Variants in FAM168A observed in about 807,000 individuals in gnomAD.
The protein encoded by FAM168A is family with sequence similarity 168 member A.
Under a neutral mutation model 28.5 loss-of-function variants are expected in FAM168A, and 3 were observed. That is an observed-to-expected ratio of 0.11 (90% CI 0.05 to 0.27). The LOEUF is 0.27. FAM168A is among the 10% of genes least tolerant of loss of function. FAM168A has a pLI of 1.00. For synonymous variants in FAM168A, 122 were observed against 124.2 expected (o/e 0.98, Z 0.12); for missense variants, 222 against 311.5 (o/e 0.71, Z 2.16).
intron 2 of FAM168A, among the ~76,000 whole-genome samples, chr11:73,444,603 T>A (rs1310732828): frequency 6.6e-6 from 1 of 152,262 alleles, no homozygotes; most frequent in African/African-American, 2.4e-5. Context: ...AATGAAAGTG[T>A]CCCCACATTT....
chr11:73,430,575 G>C (rs780703838), intron 3 of FAM168A, 115 bp downstream of exon 3: 4 of 947,800 alleles, frequency 4.2e-6, no homozygotes, highest in Non-Finnish European at 6.8e-6. Context: ...CCAGCCTGGA[G>C]AGGCTGCGCC....
rs1487266729 is a variant in FAM168A at position 73,531,805 on chromosome 11, T to TA, written c.-18-63314_-18-63313insT. Reference sequence around the variant, plus strand: ...GCAAAGCACAGACCAAGTATCACTTTTTTTTTTTTTTTTTTTTGAGACAGG... The same window carrying TA: ...GCAAAGCACAGACCAAGTATCACTTTATTTTTTTTTTTTTTTTTGAGACAGG... On this transcript the variant is annotated intron_variant, in intron 1 of 7. Transcript: ENST00000356467. Among the ~76,000 whole-genome samples, 67 of 146,118 alleles carry TA rather than the reference T, an allele frequency of 4.6e-4. 1 individual carries two copies. The highest frequency in any genetic ancestry group is 1.7e-3 in the African/African-American group (67 of 39,210).
chr11:73,494,369 A>T (rs1854826270), intron 1 of FAM168A, among the ~76,000 whole-genome samples: 1 of 152,134 alleles, frequency 6.6e-6, no homozygotes, highest in Non-Finnish European at 1.5e-5. Flanking sequence ...AGGACAAGAG[A>T]TCTCCTGTGC....
intron 1 of FAM168A, among the ~76,000 whole-genome samples, chr11:73,470,368 G>A (rs1318341000): frequency 6.6e-6 from 1 of 152,158 alleles, no homozygotes; most frequent in Non-Finnish European, 1.5e-5. Flanking sequence ...TCTCTGCGTG[G>A]TACATCAGGA....
rs77169715 is a variant in FAM168A at position 73,404,953 on chromosome 11, C to T, written c.*1810G>A. 0.07 allele frequency: 10,635 copies of T among 152,328 alleles called. 443 individuals carry two copies. Among genetic ancestry groups the T allele is most frequent in the Non-Finnish European group, 0.096 (6,554 of 68,018 alleles). The allele number at this position is 152,328 out of a possible 1,614,324, so 9.4% of individuals were successfully genotyped here. ...CAGAGGGGCTGCTGGCCCAGCCAAGCGCTGGGTGCCGGAGGCTGCTGCTGG... is the reference window on the plus strand; with the variant it reads ...CAGAGGGGCTGCTGGCCCAGCCAAGTGCTGGGTGCCGGAGGCTGCTGCTGG... On this transcript the variant is annotated 3_prime_UTR_variant, in exon 8 of 8. Transcript: ENST00000356467.
At chr11:73,515,508 C>CAAA (rs61655633) in intron 1 of FAM168A, among the ~76,000 whole-genome samples, 12 of 66,516 alleles carry the variant, frequency 1.8e-4, no homozygotes, top group South Asian at 5.8e-4. Flanking sequence ...AACTCTGTCT[C>CAAA]AAAAAAAAAA....
chr11:73,442,838 C>CTT (rs11365247), intron 2 of FAM168A, among the ~76,000 whole-genome samples: 7,895 of 127,366 alleles, frequency 0.062, 782 homozygotes, highest in African/African-American at 0.2. Context: ...TTCTTTCTTT[C>CTT]TTTTTTTTTT....
At chr11:73,477,416 A>T (rs1282936147) in intron 1 of FAM168A, among the ~76,000 whole-genome samples, 1 of 152,154 alleles carries the variant, frequency 6.6e-6, no homozygotes, top group African/African-American at 2.4e-5. Context: ...AAAAAAAAAG[A>T]AGATATAATG....
At chr11:73,543,052 C>G (rs1943677651) in intron 1 of FAM168A, among the ~76,000 whole-genome samples, 1 of 151,990 alleles carries the variant, frequency 6.6e-6, no homozygotes, top group Non-Finnish European at 1.5e-5. Flanking sequence ...CAAATTTCAC[C>G]TCATCAGCAA....
intron 2 of FAM168A, among the ~76,000 whole-genome samples, chr11:73,437,661 C>T (rs1867115771): frequency 6.6e-6 from 1 of 151,966 alleles, no homozygotes; most frequent in African/African-American, 2.4e-5. Flanking sequence ...TTACCCTGAA[C>T]ATTTTTTCAG....
chr11:73,406,119 A>G lies in FAM168A; in HGVS notation c.*644T>C, dbSNP rs901781662. Reference sequence around the variant, plus strand: ...TCCCCACAATGCCCTCCCTCCCCCCACCCTCCCCCAAATTCTAAAGACTTT... The same window carrying G: ...TCCCCACAATGCCCTCCCTCCCCCCGCCCTCCCCCAAATTCTAAAGACTTT... On this transcript the variant is annotated 3_prime_UTR_variant, in exon 8 of 8. Transcript: ENST00000356467. 2 of 29,814 alleles carry G rather than the reference A, an allele frequency of 6.7e-5. No individual in the cohort carries two copies. The highest frequency in any genetic ancestry group is 1.5e-3 in the East Asian group (1 of 688). The allele number at this position is 29,814 out of a possible 1,614,324, so 1.8% of individuals were successfully genotyped here.
intron 1 of FAM168A, among the ~76,000 whole-genome samples, chr11:73,541,075 C>T (rs577493738): frequency 1.3e-5 from 2 of 151,860 alleles, no homozygotes; most frequent in South Asian, 2.1e-4. Context: ...TGTAGTGGTG[C>T]GTGCCTGTAG....
intron 1 of FAM168A, among the ~76,000 whole-genome samples, chr11:73,522,996 G>C (rs1943403950): frequency 6.6e-6 from 1 of 152,020 alleles, no homozygotes; most frequent in Non-Finnish European, 1.5e-5. Flanking sequence ...CTGGGCAACA[G>C]AGCAAGACTC....
At chr11:73,581,788 G>T (rs12286902) in intron 1 of FAM168A, among the ~76,000 whole-genome samples, 12 of 151,754 alleles carry the variant, frequency 7.9e-5, no homozygotes, top group Non-Finnish European at 1.8e-4. Context: ...GCGCAATCTC[G>T]CCTCGCTGCA....
At chr11:73,446,095 A>G (rs533249494) in intron 2 of FAM168A, among the ~76,000 whole-genome samples, 1 of 152,356 alleles carries the variant, frequency 6.6e-6, no homozygotes, top group South Asian at 2.1e-4. Flanking sequence ...GTACAATGCA[A>G]ATGACACTGT....
At chr11:73,444,276 G>C (rs1202465641) in intron 2 of FAM168A, among the ~76,000 whole-genome samples, 1 of 152,182 alleles carries the variant, frequency 6.6e-6, no homozygotes, top group Non-Finnish European at 1.5e-5. Context: ...TTCATTAAAA[G>C]TTCCCTGTTG....
intron 1 of FAM168A, among the ~76,000 whole-genome samples, chr11:73,524,235 T>C (rs962194468): frequency 2.0e-5 from 3 of 152,188 alleles, no homozygotes; most frequent in Admixed American, 6.5e-5. Context: ...TGAAATTTTA[T>C]GGTGTTGTGT....
chr11:73,557,368 T>C (rs1272342412), intron 1 of FAM168A, among the ~76,000 whole-genome samples: 1 of 151,612 alleles, frequency 6.6e-6, no homozygotes, highest in Non-Finnish European at 1.5e-5. Flanking sequence ...TTTAAGACAA[T>C]AGTGCCACCA....
In FAM168A at chr11:73,468,447, G is replaced by A; in HGVS notation, c.28C>T (p.Pro10Ser). The change falls in exon 2 of 8, where the codon CCT (proline) becomes TCT (serine). Residue 10 changes from proline (P) to serine (S), a missense_variant. Pro to Ser is a moderately conservative substitution (Grantham distance 74). Transcript: ENST00000356467. ...TTAGGGTTGCCATAAGGAGCCCCAG[G>A]CTGCACGGGGCTGTAAACAGGGTTC... MNPVYSPVQ[P>S]GAPYGNPKNM... 6.2e-7 allele frequency: 1 copy of A among 1,614,118 alleles called. No individual in the cohort carries two copies. The highest frequency in any genetic ancestry group is 8.5e-7 in the Non-Finnish European group (1 of 1,179,974).
Sources: gnomAD v4.1 joint callset for allele counts (sites outside exome capture counted in the v4.1 genomes callset) on GRCh38, gnomAD v4.1.1 for gene constraint, MANE v1.5 for transcripts, NCBI Gene and HGNC (gene_info 2026-07-23, HGNC 2026-07-21) for gene names.